The following TMC7 variants were observed in gnomAD, a reference collection of about 807,000 sequenced individuals.
TMC7 encodes transmembrane channel-like protein 7.
TMC7 carries 54 observed loss-of-function variants against 82.9 expected under a neutral mutation model. That is an observed-to-expected ratio of 0.65 (90% CI 0.52 to 0.82). The LOEUF (loss-of-function observed/expected upper bound fraction) is 0.82, where lower values mean the gene tolerates loss of function less well. TMC7 is among the 40% of genes least tolerant of loss of function. The pLI is 0.00. For synonymous variants in TMC7, 350 were observed against 337.9 expected, an observed-to-expected ratio of 1.04 and a Z score of -0.39; for missense variants, 820 against 901.2, an observed-to-expected ratio of 0.91 and a Z score of 1.15.
rs1464678633 is a variant in TMC7, at chr16:19,056,118, T to C, written c.1872-424T>C. Among the ~76,000 whole-genome samples the C allele has an allele frequency of 2.6e-5, 4 of 151,740 alleles. No individual in the cohort carries two copies. The East Asian group carries it at 7.7e-4, about 29-fold the overall frequency. ...TCTTTTTTTTTTTTGAGACGGAGTT[T>C]TGCCCTTGTTGCCCAGGCTGGAGTG... On this transcript the variant is annotated intron_variant, in intron 13 of 15. Transcript: ENST00000304381.
chr16:19,018,206 A>G (rs376522250), intron 3 of TMC7, among the ~76,000 whole-genome samples: 3 of 152,310 alleles, frequency 2.0e-5, no homozygotes, highest in East Asian at 3.9e-4. Context: ...ACTTTTACCA[A>G]ACTGCAAAGA....
chr16:19,044,343 A>G (rs1021068383), intron 9 of TMC7, among the ~76,000 whole-genome samples: 1 of 151,848 alleles, frequency 6.6e-6, no homozygotes, highest in South Asian at 2.1e-4. Context: ...CACCTTGCTC[A>G]TTTTTATTTT....
At position 19,040,343 on chromosome 16, in the gene TMC7, A is replaced by G. The variant is rs1960955773; in HGVS notation, c.1234A>G (p.Ile412Val). 7 of 1,613,988 alleles carry G rather than the reference A, an allele frequency of 4.3e-6. No homozygotes were observed. Among genetic ancestry groups the G allele is most frequent in the Non-Finnish European group, 5.9e-6 (7 of 1,180,014 alleles). Residue 412 changes from isoleucine (I) to valine (V), a missense_variant, in exon 9 of 16, where the codon ATT becomes GTT. Physicochemically the swap from Ile to Val is conservative, Grantham distance 29. This residue lies in a region of TMC7 where 650 missense variants were observed against 669.9 expected (regional missense o/e 0.97). Transcript: ENST00000304381. ...ENLFILYLPSIVITLANFITP... is the reference protein window; with the variant it reads ...ENLFILYLPSVVITLANFITP... Reference sequence around the variant, plus strand: ...CCTCTTCATATTGTATCTACCGTCTATTGTGATCACGCTGGCCAATTTTAT... The same window carrying G: ...CCTCTTCATATTGTATCTACCGTCTGTTGTGATCACGCTGGCCAATTTTAT...
intron 6 of TMC7, among the ~76,000 whole-genome samples, chr16:19,034,782 G>A (rs1960670450): frequency 6.6e-6 from 1 of 152,034 alleles, no homozygotes; most frequent in Non-Finnish European, 1.5e-5. Context: ...GGATGGTAGT[G>A]GGAATTCCCA....
At chr16:19,060,945 AC>A (rs1961978810) in intron 15 of TMC7, among the ~76,000 whole-genome samples, 1 of 148,438 alleles carries the variant, frequency 6.7e-6, no homozygotes, top group African/African-American at 2.5e-5. Flanking sequence ...CACCATCACA[AC>A]CGGCTAACTT....
At chr16:19,038,519 T>C (rs533150586) in intron 8 of TMC7, among the ~76,000 whole-genome samples, 3 of 150,624 alleles carry the variant, frequency 2.0e-5, no homozygotes, top group African/African-American at 7.3e-5. Flanking sequence ...AAGAGAACTT[T>C]TTTGTTTTTG....
At chr16:19,057,618 C>T (rs573763903) in intron 14 of TMC7, among the ~76,000 whole-genome samples, 1 of 152,358 alleles carries the variant, frequency 6.6e-6, no homozygotes, top group East Asian at 1.9e-4. Flanking sequence ...GGGCTCCAGC[C>T]GCTTCACCCT....
Position 19,009,265 on chromosome 16 carries a change from C to T in TMC7, c.161C>T (p.Thr54Met), listed in dbSNP as rs201473700. The change falls in exon 2 of 16, where the codon ACG becomes ATG. Residue 54 changes from threonine (T) to methionine (M), a missense_variant. Thr to Met is a moderately conservative substitution (Grantham distance 81). Around this residue, in one of 2 missense-constraint regions of TMC7, gnomAD observed 650 missense variants for 669.9 expected, o/e 0.97. Transcript: ENST00000304381. ...TACCGGTCCATTGCACGTAGGAGAA[C>T]GACTGTCCATTCCCGGGACAAGCAA... ...PSYRSIARRR[T>M]TVHSRDKQSG... is the part of the protein sequence containing the mutation. 1.2e-4 allele frequency: 195 copies of T among 1,614,206 alleles called. 1 individual carries two copies. The East Asian group carries it at 2.9e-3, about 24-fold the overall frequency.
At chr16:19,012,453 G>A (rs1300459300) in intron 2 of TMC7, among the ~76,000 whole-genome samples, 2 of 152,046 alleles carry the variant, frequency 1.3e-5, no homozygotes, top group Non-Finnish European at 2.9e-5. Flanking sequence ...ACTCTCATGA[G>A]CAGGGCCCAT....
chr16:19,018,515 C>T (rs1365999447), intron 3 of TMC7, among the ~76,000 whole-genome samples: 1 of 152,118 alleles, frequency 6.6e-6, no homozygotes, highest in South Asian at 2.1e-4. Flanking sequence ...CTCATTGAAA[C>T]CTAATCACCT....
intron 1 of TMC7, among the ~76,000 whole-genome samples, chr16:18,986,996 AG>A (rs1421577241): frequency 5.9e-5 from 9 of 151,832 alleles, no homozygotes; most frequent in Non-Finnish European, 1.2e-4. Context: ...TAGTAGAGAC[AG>A]GGTTTCACCG....
At chr16:19,047,041 A>G in intron 11 of TMC7, 22 bp from the exon 12 acceptor site, 1 of 1,584,920 alleles carries the variant, frequency 6.3e-7, no homozygotes, top group East Asian at 2.2e-5. Flanking sequence ...CAGTAGCCCA[A>G]ATGAGAATTG....
intron 1 of TMC7, among the ~76,000 whole-genome samples, chr16:18,994,940 C>T (rs947685939): frequency 6.6e-6 from 1 of 151,926 alleles, no homozygotes; most frequent in Non-Finnish European, 1.5e-5. Context: ...GTGCATGATC[C>T]GTTGCCAAGG....
chr16:19,046,916 C>T lies in TMC7; in HGVS notation c.1554-147C>T. The T allele has an allele frequency of 8.0e-6, 5 of 625,704 alleles. No individual in the cohort carries two copies. The South Asian group carries it at 1.0e-4, about 13-fold the overall frequency. The allele number at this position is 625,704 out of a possible 1,614,324, so 38.8% of individuals were successfully genotyped here. A position where few individuals can be genotyped will look rare whatever the true frequency, so the allele number is the denominator to read the frequency against. The stretch of plus-strand genomic sequence containing the variant: ...GACTTGGAACCTGATCTTAATGATT[C>T]CAGAGTTCATTATATTCTGCATCTT... On this transcript the variant is annotated intron_variant, in intron 11 of 15. Transcript: ENST00000304381.
intron 11 of TMC7, among the ~76,000 whole-genome samples, chr16:19,046,832 CAA>C (rs34279699): frequency 0.015 from 1,912 of 123,920 alleles, 14 homozygotes; most frequent in Non-Finnish European, 0.023. Flanking sequence ...GACCTTGTCT[CAA>C]AAAAAAAAAA....
chr16:18,994,930 G>A (rs984012533), intron 1 of TMC7, among the ~76,000 whole-genome samples: 12 of 152,108 alleles, frequency 7.9e-5, no homozygotes, highest in African/African-American at 2.9e-4. Flanking sequence ...ATGGTAAGGG[G>A]TGCATGATCC....
chr16:19,030,721 G>A (rs1473170023), intron 6 of TMC7, among the ~76,000 whole-genome samples: 2 of 151,952 alleles, frequency 1.3e-5, no homozygotes, highest in Non-Finnish European at 2.9e-5. Flanking sequence ...TAGGACTACA[G>A]GAACGTGCCA....
At chr16:18,985,831 G>C (rs564394412) in intron 1 of TMC7, among the ~76,000 whole-genome samples, 1 of 151,948 alleles carries the variant, frequency 6.6e-6, no homozygotes, top group Non-Finnish European at 1.5e-5. Context: ...TCCGTGGGGT[G>C]GGGCGGGGGA....
intron 1 of TMC7, among the ~76,000 whole-genome samples, chr16:19,007,669 C>CA (rs548048423): frequency 0.027 from 3,821 of 139,254 alleles, 86 homozygotes; most frequent in East Asian, 0.07. Flanking sequence ...GACTCCGTCT[C>CA]AAAAAAAAAA....
Sources: gnomAD v4.1 joint callset for allele counts (sites outside exome capture counted in the v4.1 genomes callset) on GRCh38, gnomAD v4.1.1 for gene constraint, gnomAD v4.1.1 regional missense constraint, MANE v1.5 for transcripts, NCBI Gene and HGNC (gene_info 2026-07-23, HGNC 2026-07-21) for gene names.